The following CD69 variants were observed in gnomAD, a reference collection of about 807,000 sequenced individuals.
The protein encoded by CD69 is CD69 molecule, also known as early activation antigen CD69.
Under a neutral mutation model 21.4 loss-of-function variants are expected in CD69, and 10 were observed. The observed-to-expected ratio is 0.47, with a 90% CI of 0.29 to 0.79. The LOEUF is 0.79. Among genes scored for constraint, CD69 ranks in the 30% least tolerant of loss-of-function variants. The pLI is 0.09. For synonymous variants in CD69, 63 were observed against 78.2 expected (o/e 0.81, Z 1.03); for missense variants, 204 against 236.9 (o/e 0.86, Z 0.91).
intron 1 of CD69, 145 bp from the exon 2 acceptor site, chr12:9,756,564 T>A: frequency 1.6e-6 from 1 of 632,516 alleles, no homozygotes; most frequent in Non-Finnish European, 2.5e-6. Context: ...ATTTCTAAGT[T>A]AATTTACCCC....
chr12:9,755,182 C>T lies in CD69; in HGVS notation c.267G>A (p.Trp89Ter). 2 of 1,614,012 alleles carry T rather than the reference C, an allele frequency of 1.2e-6. No homozygotes were observed. Among genetic ancestry groups the T allele is most frequent in the Non-Finnish European group, 1.7e-6 (2 of 1,179,922 alleles). The part of the protein sequence containing the change: ...DSHVSSCSED[W>*]VGYQRKCYFI... ...AGTAGCATTTCCTCTGGTAGCCAAC[C>T]CAGTCCTCAGAGCATGAAGAAACAT... is the stretch of plus-strand genomic sequence containing the variant. The change falls in exon 3 of 5, where the codon TGG becomes TGA. Residue 89 changes from tryptophan (W) to a stop codon, truncating the protein, a stop_gained. Coordinates refer to ENST00000228434, the MANE Select transcript of CD69 (RefSeq NM_001781.2). LOFTEE classifies it high-confidence loss of function.
At chr12:9,757,965 T>G (rs1460233839) in intron 1 of CD69, among the ~76,000 whole-genome samples, 1 of 152,134 alleles carries the variant, frequency 6.6e-6, no homozygotes, top group African/African-American at 2.4e-5. Flanking sequence ...TCAAAAGATG[T>G]TAAAATAATA....
At chr12:9,754,959 ATGTT>A (rs755991041) in intron 3 of CD69, 99 bp downstream of exon 3, 285 of 986,274 alleles carry the variant, frequency 2.9e-4, no homozygotes, top group African/African-American at 6.0e-4. Context: ...AATAGGTACA[ATGTT>A]TGTTTGTTTG....
intron 4 of CD69, 132 bp from the exon 5 acceptor site, chr12:9,753,721 T>C (rs1304034418): frequency 6.4e-6 from 3 of 470,642 alleles, no homozygotes; most frequent in Non-Finnish European, 1.1e-5. Flanking sequence ...CAAATAATCA[T>C]AGACTAATCT....
chr12:9,754,583 T>C lies in CD69; in HGVS notation c.491+4A>G, dbSNP rs749431406. 2.6e-6 allele frequency: 4 copies of C among 1,558,260 alleles called. No individual in the cohort carries two copies. In the South Asian group the frequency reaches 4.4e-5, roughly 17 times the overall value. ...GGAATATAAAGAGACTTCTGGAGAC[T>C]TACCAGTTGTTAAATTCTTTGCCAT... On this transcript the variant is annotated splice_donor_region_variant and intron_variant, in intron 4 of 4. Coordinates refer to ENST00000228434, the MANE Select transcript of CD69 (RefSeq NM_001781.2).
intron 1 of CD69, among the ~76,000 whole-genome samples, chr12:9,760,264 G>A (rs944375678): frequency 6.6e-6 from 1 of 152,138 alleles, no homozygotes; most frequent in Non-Finnish European, 1.5e-5. Flanking sequence ...ACTGAAAGCA[G>A]ACACTGAATG....
At chr12:9,756,492 G>A in intron 1 of CD69, 73 bp from the exon 2 acceptor site, 1 of 1,241,880 alleles carries the variant, frequency 8.1e-7, no homozygotes, top group South Asian at 1.8e-5. Flanking sequence ...ACATTCTTTT[G>A]AGGCATTTAA....
chr12:9,754,120 C>G (rs758827915), intron 4 of CD69: 1 of 153,664 alleles, frequency 6.5e-6, no homozygotes, highest in Non-Finnish European at 1.4e-5. Flanking sequence ...AATAGAGTAT[C>G]TAATTCTGGG....
chr12:9,758,993 G>A (rs1191426091), intron 1 of CD69, among the ~76,000 whole-genome samples: 3 of 117,452 alleles, frequency 2.6e-5, no homozygotes, highest in South Asian at 2.6e-4. Context: ...GCAGTTGCGT[G>A]ATCTCGGCTC....
chr12:9,758,916 A>G (rs779308351), intron 1 of CD69, among the ~76,000 whole-genome samples: 11 of 152,206 alleles, frequency 7.2e-5, no homozygotes, highest in African/African-American at 2.6e-4. Flanking sequence ...ATTCCCATTA[A>G]TGAGGGCTAC....
At position 9,753,431 on chromosome 12, in the gene CD69, T is replaced by A. The variant is rs1866646201; in HGVS notation, c.*50A>T. 1.2e-6 allele frequency: 1 copy of A among 804,308 alleles called. No individual in the cohort carries two copies. The highest frequency in any genetic ancestry group is 2.3e-5 in the Admixed American group (1 of 43,390). 49.8% of individuals were successfully genotyped at this position (804,308 alleles called of 1,614,324 possible). On this transcript the variant is annotated 3_prime_UTR_variant, in exon 5 of 5. Coordinates refer to ENST00000228434, the MANE Select transcript of CD69 (RefSeq NM_001781.2). ...ACAGAGCAGCATCCACTGACACAGATTTCCTTGAGTTCCATTCTATAATAG... is the reference window on the plus strand; with the variant it reads ...ACAGAGCAGCATCCACTGACACAGAATTCCTTGAGTTCCATTCTATAATAG...
At chr12:9,759,915 T>C (rs1365724370) in intron 1 of CD69, among the ~76,000 whole-genome samples, 1 of 152,150 alleles carries the variant, frequency 6.6e-6, no homozygotes, top group Non-Finnish European at 1.5e-5. Flanking sequence ...GCTAGATATG[T>C]GGATAGAATA....
rs1364815318 is a variant in CD69 at position 9,752,836 on chromosome 12, G to A, written c.*645C>T. 1 of 152,448 alleles carries A rather than the reference G, an allele frequency of 6.6e-6. No homozygotes were observed. The allele number at this position is 152,448 out of a possible 1,614,324, so 9.4% of individuals were successfully genotyped here. On this transcript the variant is annotated 3_prime_UTR_variant, in exon 5 of 5. Transcript: ENST00000228434. Reference sequence around the variant, plus strand: ...TAAAGGCAAAGAAATATGTACCATCGAAAAGGACCTGTCTACAGCTGAGGA... The same window carrying A: ...TAAAGGCAAAGAAATATGTACCATCAAAAAGGACCTGTCTACAGCTGAGGA...
intron 1 of CD69, among the ~76,000 whole-genome samples, chr12:9,757,536 C>A (rs10844706): frequency 0.34 from 51,576 of 151,894 alleles, 9,179 homozygotes; most frequent in Middle Eastern, 0.53. Context: ...AATAAGTGAA[C>A]AAATTATGGT....
intron 1 of CD69, among the ~76,000 whole-genome samples, chr12:9,759,084 C>A (rs3136567): frequency 1.3e-5 from 2 of 152,022 alleles, no homozygotes; most frequent in Non-Finnish European, 2.9e-5. Context: ...CGCCCGCCCC[C>A]ACGCCCGGCT....
At chr12:9,756,770 C>T (rs919330421) in intron 1 of CD69, among the ~76,000 whole-genome samples, 1 of 152,052 alleles carries the variant, frequency 6.6e-6, no homozygotes, top group African/African-American at 2.4e-5. Context: ...TATGCACATG[C>T]CCCAGAAGAC....
rs1866670214 is a variant in CD69, at chr12:9,755,224, T to C, written c.225A>G (p.Ser75=). 1.9e-6 allele frequency: 3 copies of C among 1,613,868 alleles called. No homozygotes were observed. The Admixed American group carries it at 5.0e-5, about 27-fold the overall frequency. ...AAGAAACATGGCTGTCTGATGGCAT[T>C]GAGAATGTGTATTGGCCTGGACAAT... ...QYNCPGQYTF[S]MPSDSHVSSC... Residue 75 remains serine, a synonymous_variant, in exon 3 of 5, where the codon TCA becomes TCG. Coordinates refer to ENST00000228434, the MANE Select transcript of CD69 (RefSeq NM_001781.2).
chr12:9,758,524 C>T (rs1337108672), intron 1 of CD69, among the ~76,000 whole-genome samples: 1 of 152,178 alleles, frequency 6.6e-6, no homozygotes, highest in Non-Finnish European at 1.5e-5. Flanking sequence ...TTACTGGGTA[C>T]TGGTGTCCAC....
rs769316891 is a variant in CD69, at chr12:9,753,601, T to TA, written c.492-13dup. On this transcript the variant is annotated splice_polypyrimidine_tract_variant and intron_variant, in intron 4 of 4. Transcript: ENST00000228434. The stretch of plus-strand genomic sequence containing the variant: ...CTGTAACGTTGAACCTGTCAAACAA[T>TA]AAAAAAACTTAGAATTATTTTCAGC... The TA allele has an allele frequency of 6.3e-5, 79 of 1,260,714 alleles. No homozygotes were observed. The highest frequency in any genetic ancestry group is 7.7e-5 in the Non-Finnish European group (68 of 877,902). The allele number at this position is 1,260,714 out of a possible 1,614,324, so 78.1% of individuals were successfully genotyped here.
Sources: gnomAD v4.1 joint callset for allele counts (sites outside exome capture counted in the v4.1 genomes callset) on GRCh38, gnomAD v4.1.1 for gene constraint, MANE v1.5 for transcripts, NCBI Gene and HGNC (gene_info 2026-07-23, HGNC 2026-07-21) for gene names.